KCNH1: variants seen among roughly 807,000 people sequenced by gnomAD.
The protein encoded by KCNH1 is voltage-gated delayed rectifier potassium channel KCNH1.
Under a neutral mutation model 69.2 loss-of-function variants are expected in KCNH1, and 27 were observed. The ratio of observed to expected loss-of-function variants is 0.39; its 90% confidence interval spans 0.29 to 0.54. The LOEUF is 0.54. KCNH1 is among the 20% of genes least tolerant of loss of function. KCNH1 has a pLI of 0.68. For missense variants in KCNH1, 798 were observed against 1,261.6 expected (o/e 0.63, Z 5.57); for synonymous variants, 456 against 487.7 (o/e 0.93, Z 0.86).
At chr1:211,110,633 A>C (rs1218636404) in intron 1 of KCNH1, among the ~76,000 whole-genome samples, 1 of 152,312 alleles carries the variant, frequency 6.6e-6, no homozygotes, top group East Asian at 1.9e-4. Context: ...ATTGATTCTG[A>C]TGCTAAAAAT....
chr1:210,761,249 CAAAAAA>C (rs58988658), intron 10 of KCNH1, among the ~76,000 whole-genome samples: 5 of 37,110 alleles, frequency 1.3e-4, no homozygotes, highest in African/African-American at 2.2e-4. Flanking sequence ...GAGACTCCGT[CAAAAAA>C]AAAAAAAAAA....
intron 10 of KCNH1, among the ~76,000 whole-genome samples, chr1:210,738,965 A>C (rs868848791): frequency 2.6e-5 from 4 of 152,238 alleles, no homozygotes; most frequent in Middle Eastern, 6.8e-3. Flanking sequence ...TTAAGTAGCT[A>C]GTGTCACTTT....
At chr1:210,955,834 C>T (rs958445962) in intron 6 of KCNH1, among the ~76,000 whole-genome samples, 1 of 152,178 alleles carries the variant, frequency 6.6e-6, no homozygotes, top group Non-Finnish European at 1.5e-5. Flanking sequence ...AATATATGAT[C>T]ATGTCATCTG....
intron 7 of KCNH1, among the ~76,000 whole-genome samples, chr1:210,812,259 AAGAGCCACT>A (rs1190137264): frequency 6.6e-6 from 1 of 152,166 alleles, no homozygotes; most frequent in Admixed American, 6.6e-5. Context: ...CTTACCTATT[AAGAGCCACT>A]ATATATTTTC....
intron 1 of KCNH1, among the ~76,000 whole-genome samples, chr1:211,115,353 G>C (rs1406943932): frequency 6.6e-6 from 1 of 152,098 alleles, no homozygotes; most frequent in Non-Finnish European, 1.5e-5. Flanking sequence ...CAAATTGATT[G>C]GATTTAAGGA....
At chr1:210,983,916 C>T (rs986376844) in intron 6 of KCNH1, among the ~76,000 whole-genome samples, 1 of 152,074 alleles carries the variant, frequency 6.6e-6, no homozygotes, top group African/African-American at 2.4e-5. Flanking sequence ...ATGGAATGTT[C>T]TTCCATTTGT....
At chr1:211,016,738 G>A (rs779166121) in intron 6 of KCNH1, among the ~76,000 whole-genome samples, 1 of 151,290 alleles carries the variant, frequency 6.6e-6, no homozygotes, top group Admixed American at 6.6e-5. Flanking sequence ...GTGAAACCCC[G>A]TCTCTACTAA....
chr1:210,903,297 C>T lies in KCNH1; in HGVS notation c.1462+16343G>A, dbSNP rs557917246. Among the ~76,000 whole-genome samples, 32 of 152,282 alleles carry T rather than the reference C, an allele frequency of 2.1e-4. 1 individual carries two copies. The South Asian group carries it at 6.2e-3, about 30-fold the overall frequency. On this transcript the variant is annotated intron_variant, in intron 7 of 10. Transcript: ENST00000271751. The stretch of plus-strand genomic sequence containing the variant: ...TGTCTGTCCCCTCTTAGACTGCTGC[C>T]TCTGGAAGTTTTGTTTTATTTATCT...
chr1:210,698,838 C>G (rs1449842881), intron 10 of KCNH1, among the ~76,000 whole-genome samples: 1 of 152,226 alleles, frequency 6.6e-6, no homozygotes, highest in African/African-American at 2.4e-5. Flanking sequence ...GCCACCAGAG[C>G]CTGAGGGCTG....
At chr1:211,092,978 T>C (rs1691080535) in intron 3 of KCNH1, among the ~76,000 whole-genome samples, 1 of 152,138 alleles carries the variant, frequency 6.6e-6, no homozygotes, top group Non-Finnish European at 1.5e-5. Context: ...TCTTGTCATC[T>C]GATTTATTAC....
intron 7 of KCNH1, chr1:210,860,673 T>G (rs1574301725): frequency 1.3e-6 from 1 of 775,970 alleles, no homozygotes; most frequent in South Asian, 1.4e-5. Context: ...TGATAAATGC[T>G]GTGATACATT....
At chr1:210,792,183 A>G (rs1225538408) in intron 9 of KCNH1, among the ~76,000 whole-genome samples, 2 of 151,836 alleles carry the variant, frequency 1.3e-5, no homozygotes, top group Admixed American at 1.3e-4. Context: ...CTCCCCTGAT[A>G]TCTCTGGACT....
chr1:210,735,026 C>T (rs1425868062), intron 10 of KCNH1, among the ~76,000 whole-genome samples: 1 of 152,112 alleles, frequency 6.6e-6, no homozygotes, highest in Non-Finnish European at 1.5e-5. Flanking sequence ...CCCTGCAGTC[C>T]GTCATGCCTT....
intron 5 of KCNH1, among the ~76,000 whole-genome samples, chr1:211,027,673 G>T (rs1439444112): frequency 1.3e-5 from 2 of 151,290 alleles, no homozygotes; most frequent in East Asian, 3.9e-4. Context: ...TAAAACAATA[G>T]AAACTGTCCT....
intron 7 of KCNH1, among the ~76,000 whole-genome samples, chr1:210,857,379 C>T (rs773599281): frequency 7.9e-5 from 12 of 151,912 alleles, no homozygotes; most frequent in South Asian, 4.2e-4. Context: ...TGCGTAAGGC[C>T]GGACCTTTGA....
chr1:210,866,122 T>C (rs938907387), intron 7 of KCNH1, among the ~76,000 whole-genome samples: 5 of 152,184 alleles, frequency 3.3e-5, no homozygotes, highest in African/African-American at 9.7e-5. Flanking sequence ...TAACTCAAAA[T>C]GGATGATAGT....
chr1:211,108,421 CTACA>C (rs1417757949), intron 1 of KCNH1: 3 of 150,198 alleles, frequency 2.0e-5, no homozygotes, highest in African/African-American at 4.9e-5. Context: ...TATACACATA[CTACA>C]TAGAGTGAAA....
At chr1:210,846,715 C>A (rs200453663) in intron 7 of KCNH1, among the ~76,000 whole-genome samples, 13,782 of 151,936 alleles carry the variant, frequency 0.091, 662 homozygotes, top group Non-Finnish European at 0.11. Context: ...GCAACAAAAG[C>A]CAAAATTGAC....
At chr1:211,030,811 A>G (rs1379762355) in intron 5 of KCNH1, among the ~76,000 whole-genome samples, 1 of 152,150 alleles carries the variant, frequency 6.6e-6, no homozygotes, top group East Asian at 1.9e-4. Context: ...ATGAAAATCT[A>G]TGACTGAAAG....
Sources: gnomAD v4.1 joint callset for allele counts (sites outside exome capture counted in the v4.1 genomes callset) on GRCh38, gnomAD v4.1.1 for gene constraint, MANE v1.5 for transcripts, NCBI Gene and HGNC (gene_info 2026-07-23, HGNC 2026-07-21) for gene names.